The following WDFY4 variants were observed in gnomAD, a reference collection of about 807,000 sequenced individuals.
The protein encoded by WDFY4 is WDFY family member 4, also known as WD repeat- and FYVE domain-containing protein 4.
A neutral mutation model predicts 351.9 loss-of-function variants in WDFY4; 169 were observed. The observed-to-expected ratio is 0.48, with a 90% confidence interval of 0.42 to 0.55. WDFY4 has a LOEUF of 0.55. Ranked by LOEUF, WDFY4 falls within the 20% of genes least tolerant of loss-of-function variation. The probability of loss-of-function intolerance (pLI) is 0.00; values close to 1 mark genes in which losing one functional copy is unlikely to be tolerated. For missense variants in WDFY4, 3,803 were observed against 3,935.6 expected, an observed-to-expected ratio of 0.97 and a Z score of 0.90; for synonymous variants, 1,622 against 1,574.6, an observed-to-expected ratio of 1.03 and a Z score of -0.71.
intron 59 of WDFY4, among the ~76,000 whole-genome samples, chr10:48,977,925 G>A (rs79456289): frequency 0.018 from 2,718 of 152,334 alleles, 44 homozygotes; most frequent in South Asian, 0.08. Flanking sequence ...AGATGGGGGT[G>A]CCCAGCCACC....
At chr10:48,805,040 G>A (rs112309160) in intron 25 of WDFY4, among the ~76,000 whole-genome samples, 45 of 152,130 alleles carry the variant, frequency 3.0e-4, no homozygotes, top group African/African-American at 8.0e-4. Context: ...GGTGGTTTCC[G>A]GGGGGCGGAG....
chr10:48,810,261 T>G (rs958820907), intron 28 of WDFY4, among the ~76,000 whole-genome samples: 1 of 152,210 alleles, frequency 6.6e-6, no homozygotes, highest in African/African-American at 2.4e-5. Flanking sequence ...GGCATGCGCA[T>G]TTTTACCTAT....
chr10:48,953,504 C>A (rs756130364), intron 51 of WDFY4, among the ~76,000 whole-genome samples: 2 of 152,204 alleles, frequency 1.3e-5, no homozygotes, highest in Admixed American at 6.5e-5. Context: ...CTTCTGAAGC[C>A]AGTGTGCTTT....
chr10:48,923,854 A>C (rs771781455), intron 47 of WDFY4, among the ~76,000 whole-genome samples: 26 of 152,132 alleles, frequency 1.7e-4, no homozygotes, highest in Non-Finnish European at 2.9e-4. Flanking sequence ...GGCCAAACAC[A>C]CTGAGCATGG....
intron 53 of WDFY4, 132 bp downstream of exon 53, chr10:48,959,945 G>T: frequency 1.2e-6 from 1 of 829,540 alleles, no homozygotes; most frequent in South Asian, 1.8e-5. Context: ...ACCCAGAGAA[G>T]GGATGGGGTC....
intron 11 of WDFY4, among the ~76,000 whole-genome samples, chr10:48,739,221 C>T (rs1418225607): frequency 6.6e-6 from 1 of 152,138 alleles, no homozygotes; most frequent in Non-Finnish European, 1.5e-5. Flanking sequence ...TCCTGTTAGT[C>T]CTAACGTAGT....
At chr10:48,781,045 C>T (rs184189545) in intron 19 of WDFY4, among the ~76,000 whole-genome samples, 148 of 152,260 alleles carry the variant, frequency 9.7e-4, no homozygotes, top group African/African-American at 3.3e-3. Flanking sequence ...TTGTGACCAC[C>T]AGTAACATCT....
At chr10:48,801,749 T>C (rs2067096315) in intron 24 of WDFY4, among the ~76,000 whole-genome samples, 1 of 152,244 alleles carries the variant, frequency 6.6e-6, no homozygotes, top group South Asian at 2.1e-4. Context: ...GATAGTGGCA[T>C]GTATGATGCT....
chr10:48,979,641 G>GCATC (rs1842731335), intron 60 of WDFY4: 1 of 152,126 alleles, frequency 6.6e-6, no homozygotes, highest in Non-Finnish European at 1.5e-5. Flanking sequence ...ATGGATGGAT[G>GCATC]GATGGGTGGA....
At chr10:48,975,288 C>T (rs1842518622) in intron 58 of WDFY4, 4 of 601,502 alleles carry the variant, frequency 6.7e-6, no homozygotes, top group East Asian at 5.8e-5. Flanking sequence ...CTGCGGGCAC[C>T]AGGGGGCTGC....
chr10:48,712,808 C>T (rs1257488807), intron 2 of WDFY4, among the ~76,000 whole-genome samples: 1 of 150,216 alleles, frequency 6.7e-6, no homozygotes, highest in African/African-American at 2.4e-5. Context: ...CATGAAGTTC[C>T]CCCTTGGAAA....
intron 58 of WDFY4, among the ~76,000 whole-genome samples, chr10:48,975,816 G>A (rs1178440234): frequency 6.6e-6 from 1 of 152,076 alleles, no homozygotes; most frequent in Admixed American, 6.6e-5. Context: ...ATAAATGAAT[G>A]GATGGATGGA....
chr10:48,733,006 T>C (rs570600294), intron 9 of WDFY4, among the ~76,000 whole-genome samples: 2 of 152,258 alleles, frequency 1.3e-5, no homozygotes, highest in Non-Finnish European at 2.9e-5. Flanking sequence ...TGTCCTTAAA[T>C]CCCATCTTGA....
At chr10:48,787,900 CT>C (rs1565198561) in intron 20 of WDFY4, among the ~76,000 whole-genome samples, 3 of 27,212 alleles carry the variant, frequency 1.1e-4, no homozygotes, top group Non-Finnish European at 2.1e-4. Flanking sequence ...TCTCCTTCTT[CT>C]TCTTCTTCTT....
At chr10:48,702,334 C>G (rs1228039158) in intron 1 of WDFY4, among the ~76,000 whole-genome samples, 2 of 152,190 alleles carry the variant, frequency 1.3e-5, no homozygotes, top group Non-Finnish European at 2.9e-5. Flanking sequence ...TGACCACTTT[C>G]AAGAAACAGG....
intron 19 of WDFY4, among the ~76,000 whole-genome samples, chr10:48,785,914 G>A (rs766650596): frequency 6.6e-6 from 1 of 152,120 alleles, no homozygotes; most frequent in Non-Finnish European, 1.5e-5. Context: ...TTCTGGAATT[G>A]CATTATACTT....
chr10:48,969,057 G>A lies in WDFY4; in HGVS notation c.8585-7G>A, dbSNP rs374664825. ...TGCATAAGTTCGCCATACTAACTGG[G>A]GTGTAGATATGTACCTCTTTTCTCT... On this transcript the variant is annotated splice_region_variant and splice_polypyrimidine_tract_variant and intron_variant, in intron 55 of 61. Transcript: ENST00000325239. 81 of 1,550,678 alleles carry A rather than the reference G, an allele frequency of 5.2e-5. No homozygotes were observed. Among genetic ancestry groups the A allele is most frequent in the Non-Finnish European group, 6.8e-5 (78 of 1,146,372 alleles).
chr10:48,714,946 C>T (rs12240581), intron 2 of WDFY4, among the ~76,000 whole-genome samples: 7,957 of 152,290 alleles, frequency 0.052, 386 homozygotes, highest in African/African-American at 0.12. Context: ...ATCAACTGGG[C>T]TAATGGGACA....
At position 48,832,662 on chromosome 10, in the gene WDFY4, A is replaced by G; in HGVS notation, c.6616A>G (p.Lys2206Glu). Reference protein sequence around the residue: ...LWSGSLSSAMKLMPGRQAKDP... With the variant: ...LWSGSLSSAMELMPGRQAKDP... ...GAGTGGAAGCCTGTCCTCAGCCATG[A>G]AGCTGATGCCCGGGCGGCAGGCCAA... The change falls in exon 39 of 62, where the codon AAG (lysine) becomes GAG (glutamate). Residue 2206 changes from lysine (K) to glutamate (E), a missense_variant. Transcript: ENST00000325239. 6.4e-7 allele frequency: 1 copy of G among 1,550,946 alleles called. No homozygotes were observed. Among genetic ancestry groups the G allele is most frequent in the South Asian group, 1.2e-5 (1 of 83,740 alleles).
Sources: gnomAD v4.1 joint callset for allele counts (sites outside exome capture counted in the v4.1 genomes callset) on GRCh38, gnomAD v4.1.1 for gene constraint, MANE v1.5 for transcripts, NCBI Gene and HGNC (gene_info 2026-07-23, HGNC 2026-07-21) for gene names.